The following AKAP13 variants were observed in gnomAD, a reference collection of about 807,000 sequenced individuals.
AKAP13 encodes A-kinase anchoring protein 13.
Under a neutral mutation model 264.5 loss-of-function variants are expected in AKAP13, and 80 were observed. That is an observed-to-expected ratio of 0.30 (90% CI 0.25 to 0.36). The LOEUF (loss-of-function observed/expected upper bound fraction) is 0.36, where lower values mean the gene tolerates loss of function less well. AKAP13 is among the 10% of genes least tolerant of loss of function. The probability of loss-of-function intolerance (pLI) is 1.00; values close to 1 mark genes in which losing one functional copy is unlikely to be tolerated. For missense variants in AKAP13, 3,712 were observed against 3,435.2 expected, an observed-to-expected ratio of 1.08 and a Z score of -2.01; for synonymous variants, 1,380 against 1,250.2, an observed-to-expected ratio of 1.10 and a Z score of -2.19.
chr15:85,593,041 T>TA (rs147592858), intron 8 of AKAP13, among the ~76,000 whole-genome samples: 4,670 of 152,184 alleles, frequency 0.031, 150 homozygotes, highest in East Asian at 0.17. Flanking sequence ...TAGAATAATT[T>TA]AAAAAATACT....
rs561729222 is a variant in AKAP13 at position 85,469,248 on chromosome 15, A to G, written c.-11-16462A>G. 2.0e-5 allele frequency among the ~76,000 whole-genome samples: 3 copies of G among 151,752 alleles called. No individual in the cohort carries two copies. The East Asian group carries it at 5.8e-4, about 29-fold the overall frequency. ...AAATGTTTAAGAGGATAAATGAGAG[A>G]TGTCATGTGCGGATATATGTCCTAT... is the stretch of plus-strand genomic sequence containing the variant. On this transcript the variant is annotated intron_variant, in intron 1 of 36. Coordinates refer to ENST00000394518, the MANE Select transcript of AKAP13 (RefSeq NM_007200.5).
In AKAP13 at chr15:85,651,184, A is replaced by T. The variant is rs2151507063; in HGVS notation, c.4375-4233A>T. ...CCTGTATAATGTAACTCTGGCTAAGAAAGCCAATCAGGCATTTTTCCCAAC... is the reference window on the plus strand; with the variant it reads ...CCTGTATAATGTAACTCTGGCTAAGTAAGCCAATCAGGCATTTTTCCCAAC... On this transcript the variant is annotated intron_variant, in intron 10 of 36. Coordinates refer to ENST00000394518, the MANE Select transcript of AKAP13 (RefSeq NM_007200.5). Among the ~76,000 whole-genome samples the T allele has an allele frequency of 2.0e-5, 3 of 152,372 alleles. No individual in the cohort carries two copies. In the South Asian group the frequency reaches 6.2e-4, roughly 32 times the overall value.
At chr15:85,605,779 GCATT>G (rs1449469781) in intron 8 of AKAP13, among the ~76,000 whole-genome samples, 1 of 152,078 alleles carries the variant, frequency 6.6e-6, no homozygotes, top group African/African-American at 2.4e-5. Context: ...TTTTAAAAAA[GCATT>G]CAGTCTTCAA....
chr15:85,384,351 C>G (rs1022157477), intron 1 of AKAP13, among the ~76,000 whole-genome samples: 8 of 152,204 alleles, frequency 5.3e-5, no homozygotes, highest in Non-Finnish European at 2.9e-5. Flanking sequence ...AGTAGCTTCC[C>G]TCTCTCTTTC....
chr15:85,453,414 T>G (rs187665537), intron 1 of AKAP13, among the ~76,000 whole-genome samples: 1 of 152,218 alleles, frequency 6.6e-6, no homozygotes, highest in Non-Finnish European at 1.5e-5. Context: ...CAGCAGTCCC[T>G]GGTCACCTCA....
chr15:85,558,350 A>T (rs1380720358), intron 5 of AKAP13, among the ~76,000 whole-genome samples: 5 of 152,238 alleles, frequency 3.3e-5, no homozygotes. Context: ...AATAGGATTA[A>T]TCAACTTTAA....
In AKAP13 at chr15:85,715,841, G is replaced by A. The variant is rs374094093; in HGVS notation, c.5653G>A (p.Ala1885Thr). 1.2e-4 allele frequency: 186 copies of A among 1,613,224 alleles called. 1 individual carries two copies. In the South Asian group the frequency reaches 1.8e-3, roughly 15 times the overall value. ...RSAVLLVDET[A>T]TTPIFANRRS... ...CGCAGTCCTCCTGGTGGATGAAACC[G>A]CTACCACCCCAATATTTGCCAATAG... is the stretch of plus-strand genomic sequence containing the variant. The change falls in exon 20 of 37, where the codon GCT becomes ACT. Residue 1885 changes from alanine (A) to threonine (T), a missense_variant. Physicochemically the swap from Ala to Thr is moderately conservative, Grantham distance 58. Transcript: ENST00000394518.
chr15:85,642,956 A>G (rs1280020130), intron 9 of AKAP13, among the ~76,000 whole-genome samples: 1 of 151,746 alleles, frequency 6.6e-6, no homozygotes. Context: ...TCAAGCAGGG[A>G]AAGGAGAAGG....
chr15:85,530,867 G>A (rs2077221950), intron 3 of AKAP13, among the ~76,000 whole-genome samples: 1 of 152,074 alleles, frequency 6.6e-6, no homozygotes, highest in Non-Finnish European at 1.5e-5. Context: ...GAATTTAGGA[G>A]GCCCCTTCTA....
chr15:85,729,813 G>A (rs1254152230), intron 29 of AKAP13, among the ~76,000 whole-genome samples: 1 of 152,156 alleles, frequency 6.6e-6, no homozygotes, highest in Non-Finnish European at 1.5e-5. Context: ...GCACATGCCT[G>A]TAATCCCAGC....
At chr15:85,601,481 C>G (rs535304030) in intron 8 of AKAP13, among the ~76,000 whole-genome samples, 46 of 152,194 alleles carry the variant, frequency 3.0e-4, no homozygotes, top group Admixed American at 5.9e-4. Context: ...AAAGCTCTCA[C>G]CCAAGATTCT....
At chr15:85,385,827 T>TTTTG (rs1410256770) in intron 1 of AKAP13, among the ~76,000 whole-genome samples, 1 of 152,216 alleles carries the variant, frequency 6.6e-6, no homozygotes, top group Non-Finnish European at 1.5e-5. Flanking sequence ...TAATGTCTTT[T>TTTTG]TTTGTTTGTT....
chr15:85,707,825 C>A (rs112183448), intron 17 of AKAP13, among the ~76,000 whole-genome samples, 194 bp from the exon 18 acceptor site: 82 of 152,084 alleles, frequency 5.4e-4, no homozygotes, highest in African/African-American at 6.7e-4. Flanking sequence ...CACATCTGCT[C>A]GTGTTTTTCC....
chr15:85,384,054 A>G (rs72752579), intron 1 of AKAP13, among the ~76,000 whole-genome samples: 1,570 of 152,348 alleles, frequency 0.01, 14 homozygotes, highest in Middle Eastern at 0.017. Context: ...ACATTCTAGA[A>G]ATATTTACCT....
chr15:85,481,716 G>C (rs1371300174), intron 1 of AKAP13, among the ~76,000 whole-genome samples: 2 of 152,142 alleles, frequency 1.3e-5, no homozygotes, highest in African/African-American at 4.8e-5. Context: ...TTAAGACTTT[G>C]AATTTTGACA....
chr15:85,652,766 T>C (rs2082916251), intron 10 of AKAP13, among the ~76,000 whole-genome samples: 1 of 152,170 alleles, frequency 6.6e-6, no homozygotes, highest in Non-Finnish European at 1.5e-5. Flanking sequence ...GCTTGTTCAG[T>C]CCTTGGTGTT....
intron 21 of AKAP13, 38 bp from the exon 22 acceptor site, chr15:85,717,969 C>T (rs771972984): frequency 1.7e-5 from 28 of 1,603,610 alleles, no homozygotes; most frequent in Non-Finnish European, 2.3e-5. Context: ...TTACAGGTCA[C>T]AAACCTGATT....
rs2083202114 is a variant in AKAP13 at position 85,658,529 on chromosome 15, A to G, written c.4746-8A>G. The G allele has an allele frequency of 1.2e-6, 2 of 1,613,342 alleles. No homozygotes were observed. The highest frequency in any genetic ancestry group is 1.3e-5 in the African/African-American group (1 of 74,908). On this transcript the variant is annotated splice_polypyrimidine_tract_variant and splice_region_variant and intron_variant, in intron 11 of 36. Transcript: ENST00000394518. ...TGCAACACTGACCTCTTCACCATTC[A>G]TTTTCAGTTCAATGCGAGTTCTTGG...
chr15:85,402,071 A>G (rs959282170), intron 1 of AKAP13, among the ~76,000 whole-genome samples: 7 of 152,244 alleles, frequency 4.6e-5, no homozygotes, highest in Admixed American at 6.5e-5. Context: ...CTCCACCTCA[A>G]TTCTCCCATC....
Sources: allele counts gnomAD v4.1 joint callset (sites outside exome capture counted in the v4.1 genomes callset), GRCh38; gene constraint gnomAD v4.1.1; transcripts MANE v1.5; gene names NCBI Gene and HGNC (gene_info 2026-07-23, HGNC 2026-07-21).